Variants in TCF23 observed in about 807,000 individuals in gnomAD.
TCF23 encodes the protein class A basic helix-loop-helix protein 24.
TCF23 carries 7 observed loss-of-function variants against 13.0 expected under a neutral mutation model. The ratio of observed to expected loss-of-function variants is 0.54; its 90% CI spans 0.31 to 1.01. The LOEUF (loss-of-function observed/expected upper bound fraction) is 1.01. Ranked by LOEUF, TCF23 falls within the 50% of genes least tolerant of loss-of-function variation. The pLI, the probability that TCF23 is intolerant of heterozygous loss-of-function variation, is 0.06. For missense variants in TCF23, 257 were observed against 289.8 expected, an observed-to-expected ratio of 0.89 and a Z score of 0.82; for synonymous variants, 122 against 119.5, an observed-to-expected ratio of 1.02 and a Z score of -0.14.
In TCF23 at chr2:27,152,994, C is replaced by T; in HGVS notation, c.*127C>T. 6.6e-7 allele frequency: 1 copy of T among 1,510,908 alleles called. No homozygotes were observed. Among genetic ancestry groups the T allele is most frequent in the South Asian group, 1.3e-5 (1 of 74,636 alleles). 93.6% of individuals were successfully genotyped at this position (1,510,908 alleles called of 1,614,324 possible). On this transcript the variant is annotated 3_prime_UTR_variant, in exon 3 of 3. Transcript: ENST00000296096. ...AGCTCCCAAGTTCCAGCATGCAGAC[C>T]AAGAGAAGCAGTAGCACTTCTGTGA...
chr2:27,150,178 G>A lies in TCF23; in HGVS notation c.278G>A (p.Arg93His), dbSNP rs201667688. Reference sequence around the variant, plus strand: ...GAGCGGAGCCGGGTCAGGACGCTGCGCCAGGCCTTCTTGGCCTTGCAGGCT... The same window carrying A: ...GAGCGGAGCCGGGTCAGGACGCTGCACCAGGCCTTCTTGGCCTTGCAGGCT... Reference protein sequence around the residue: ...ARERSRVRTLRQAFLALQAAL... With the variant: ...ARERSRVRTLHQAFLALQAAL... Residue 93 changes from arginine to histidine, a missense_variant, in exon 2 of 3, where the codon CGC becomes CAC. Transcript: ENST00000296096. This position sits in a 1 kb window ranked among gnomAD's most constrained non-coding sequence, Gnocchi z 4.1. The A allele has an allele frequency of 4.0e-5, 65 of 1,611,812 alleles. No homozygotes were observed. The highest frequency in any genetic ancestry group is 4.8e-5 in the Non-Finnish European group (57 of 1,179,900).
Position 27,152,675 on chromosome 2 carries a change from C to CT in TCF23, c.466-12dup. On this transcript the variant is annotated splice_polypyrimidine_tract_variant and intron_variant, in intron 2 of 2. Coordinates refer to ENST00000296096, the MANE Select transcript of TCF23 (RefSeq NM_175769.3). ...ATAGCAGCATTTCTCACTTCCCAAT[C>CT]TGTGTCTTGCAGAAGTGGCCGATGC... The CT allele has an allele frequency of 6.2e-7, 1 of 1,609,056 alleles. No homozygotes were observed.
Position 27,150,417 on chromosome 2 carries a change from TGGAGA to T in TCF23, c.465+53_465+57del. The T allele has an allele frequency of 6.3e-6, 10 of 1,594,078 alleles. No individual in the cohort carries two copies. Among genetic ancestry groups the T allele is most frequent in the Non-Finnish European group, 8.6e-6 (10 of 1,166,090 alleles). On this transcript the variant is annotated intron_variant, in intron 2 of 2. Coordinates refer to ENST00000296096, the MANE Select transcript of TCF23 (RefSeq NM_175769.3). The surrounding 1 kb of genome is among the most constrained non-coding windows in gnomAD (Gnocchi z 4.1). Reference sequence around the variant, plus strand: ...AGGCGGATCTTAATGCCCAGGGCCTTGGAGAAAGGGATTGGAATGAGGGGGGACAT... The same window carrying T: ...AGGCGGATCTTAATGCCCAGGGCCTTAAGGGATTGGAATGAGGGGGGACAT...
Position 27,150,345 on chromosome 2 carries a change from C to T in TCF23, c.445C>T (p.Arg149Cys), listed in dbSNP as rs771398931. 86 of 1,613,276 alleles carry T rather than the reference C, an allele frequency of 5.3e-5. No homozygotes were observed. Among genetic ancestry groups the T allele is most frequent in the Non-Finnish European group, 6.6e-5 (78 of 1,179,876 alleles). ...PAWPPFLRGL[R>C]YLHPLKKWPM... Reference sequence around the variant, plus strand: ...CTGGCCGCCCTTCCTGCGTGGACTCCGCTACTTGCACCCTCTCAAGGTAAG... The same window carrying T: ...CTGGCCGCCCTTCCTGCGTGGACTCTGCTACTTGCACCCTCTCAAGGTAAG... Residue 149 changes from arginine (R) to cysteine (C), a missense_variant, in exon 2 of 3, where the codon CGC becomes TGC. By Grantham distance (180) the Arg-to-Cys change is radical. Coordinates refer to ENST00000296096, the MANE Select transcript of TCF23 (RefSeq NM_175769.3). This position sits in a 1 kb window ranked among gnomAD's most constrained non-coding sequence, Gnocchi z 4.1.
chr2:27,152,797 C>T lies in TCF23; in HGVS notation c.575C>T (p.Ser192Phe). 1 of 1,614,136 alleles carries T rather than the reference C, an allele frequency of 6.2e-7. No homozygotes were observed. Among genetic ancestry groups the T allele is most frequent in the Non-Finnish European group, 8.5e-7 (1 of 1,180,022 alleles). ...AGAACAAGAGATGCAGAGGTGGGGT[C>T]CCAAGTCCCTGGAGAGGCAGATGCT... is the stretch of plus-strand genomic sequence containing the variant. Reference protein sequence around the residue: ...SQRTRDAEVGSQVPGEADALL... With the variant: ...SQRTRDAEVGFQVPGEADALL... The change falls in exon 3 of 3, where the codon TCC becomes TTC. Residue 192 changes from serine to phenylalanine, a missense_variant. Ser to Phe is a radical substitution (Grantham distance 155). Coordinates refer to ENST00000296096, the MANE Select transcript of TCF23 (RefSeq NM_175769.3).
chr2:27,151,898 T>G (rs980795113), intron 2 of TCF23, among the ~76,000 whole-genome samples: 3 of 152,052 alleles, frequency 2.0e-5, no homozygotes, highest in Non-Finnish European at 4.4e-5. Flanking sequence ...CCTCTCAACT[T>G]TATTTTTATG....
rs1165537550 is a variant in TCF23 at position 27,153,889 on chromosome 2, GAGA to G, written c.*1026_*1028del. On this transcript the variant is annotated 3_prime_UTR_variant, in exon 3 of 3. Coordinates refer to ENST00000296096, the MANE Select transcript of TCF23 (RefSeq NM_175769.3). ...CAATTACATCCTTGAAGGACCTTAA[GAGA>G]AGATCAGGTATATAGGGGGTGATCA... is the stretch of plus-strand genomic sequence containing the variant. The G allele has an allele frequency of 2.0e-5, 3 of 152,216 alleles. No homozygotes were observed. The highest frequency in any genetic ancestry group is 2.9e-5 in the Non-Finnish European group (2 of 68,046). 9.4% of individuals were successfully genotyped at this position (152,216 alleles called of 1,614,324 possible).
rs1672735755 is a variant in TCF23 at position 27,150,072 on chromosome 2, A to C, written c.223-51A>C. The C allele has an allele frequency of 1.3e-6, 2 of 1,566,120 alleles. No individual in the cohort carries two copies. Among genetic ancestry groups the C allele is most frequent in the Non-Finnish European group, 1.7e-6 (2 of 1,158,056 alleles). On this transcript the variant is annotated intron_variant, in intron 1 of 2. Transcript: ENST00000296096. The surrounding 1 kb of genome is among the most constrained non-coding windows in gnomAD (Gnocchi z 4.1). ...TTGTGCTCAAACGCTCTCAGAAGTCAGGGCAGTTGGGAGTCCAGGTCACAC... is the reference window on the plus strand; with the variant it reads ...TTGTGCTCAAACGCTCTCAGAAGTCCGGGCAGTTGGGAGTCCAGGTCACAC...
chr2:27,150,023 A>T lies in TCF23; in HGVS notation c.223-100A>T. The T allele has an allele frequency of 6.6e-7, 1 of 1,519,870 alleles. No individual in the cohort carries two copies. The highest frequency in any genetic ancestry group is 1.3e-5 in the South Asian group (1 of 79,156). The allele number at this position is 1,519,870 out of a possible 1,614,324, so 94.1% of individuals were successfully genotyped here. ...GGCCCTCTGGTGCCTACTGCTAGAC[A>T]CCCTTCTACTCTGGTGGGAGACCTT... is the stretch of plus-strand genomic sequence containing the variant. On this transcript the variant is annotated intron_variant, in intron 1 of 2. Transcript: ENST00000296096. The surrounding 1 kb of genome is among the most constrained non-coding windows in gnomAD (Gnocchi z 4.1).
At position 27,150,110 on chromosome 2, in the gene TCF23, G is replaced by A. The variant is rs772350113; in HGVS notation, c.223-13G>A. The A allele has an allele frequency of 5.0e-6, 8 of 1,590,048 alleles. No individual in the cohort carries two copies. The Admixed American group carries it at 1.3e-4, about 27-fold the overall frequency. ...GTCCAGGTCACACACACTCACTGGG[G>A]CCCTCTGTGCAGAGCGAGGCCAGTC... On this transcript the variant is annotated splice_polypyrimidine_tract_variant and intron_variant, in intron 1 of 2. Coordinates refer to ENST00000296096, the MANE Select transcript of TCF23 (RefSeq NM_175769.3). This position sits in a 1 kb window ranked among gnomAD's most constrained non-coding sequence, Gnocchi z 4.1.
rs923775774 is a variant in TCF23 at position 27,155,023 on chromosome 2, G to A, written c.*2156G>A. On this transcript the variant is annotated 3_prime_UTR_variant, in exon 3 of 3. Transcript: ENST00000296096. ...CCCACCCTGTCCTGCTCAGACTCAG[G>A]CCTTTGCCTAGTAACATTAGAGCCC... The A allele has an allele frequency of 3.9e-5, 6 of 152,352 alleles. No individual in the cohort carries two copies. Among genetic ancestry groups the A allele is most frequent in the African/African-American group, 1.4e-4 (6 of 41,458 alleles). The allele number at this position is 152,352 out of a possible 1,614,324, so 9.4% of individuals were successfully genotyped here.
At chr2:27,149,660 A>G (rs1465486174) in intron 1 of TCF23, 1 of 608,920 alleles carries the variant, frequency 1.6e-6, no homozygotes, top group African/African-American at 1.8e-5. Context: ...CTGGGACTTC[A>G]GCCTGTGTGC....
chr2:27,149,438 C>T, intron 1 of TCF23, 83 bp downstream of exon 1: 1 of 1,313,136 alleles, frequency 7.6e-7, no homozygotes, highest in Non-Finnish European at 1.1e-6. Context: ...ATGGTACAGC[C>T]TCACTCAGTA....
rs370405355 is a variant in TCF23 at position 27,150,260 on chromosome 2, C to T, written c.360C>T (p.Leu120=). The T allele has an allele frequency of 3.9e-5, 63 of 1,613,592 alleles. No individual in the cohort carries two copies. Among genetic ancestry groups the T allele is most frequent in the Admixed American group, 1.0e-4 (6 of 60,008 alleles). Residue 120 remains leucine (L), a synonymous_variant, in exon 2 of 3, where the codon CTC becomes CTT. Transcript: ENST00000296096. The surrounding 1 kb of genome is among the most constrained non-coding windows in gnomAD (Gnocchi z 4.1). ...TCTCCAAGTTGGACGTGCTGGTGCT[C>T]GCCGCCAGCTACATAGCCCACCTCA... The part of the protein sequence containing the change: ...TKLSKLDVLV[L]AASYIAHLTR...
chr2:27,151,810 C>CTT (rs888889908), intron 2 of TCF23, among the ~76,000 whole-genome samples: 5 of 142,528 alleles, frequency 3.5e-5, no homozygotes, highest in African/African-American at 7.7e-5. Context: ...TTTTTTTTTT[C>CTT]TTTTTTTTTT....
rs1192472174 is a variant in TCF23, at chr2:27,156,446, CG to C, written c.*3581del. 7 of 150,350 alleles carry C rather than the reference CG, an allele frequency of 4.7e-5. No homozygotes were observed. The highest frequency in any genetic ancestry group is 1.7e-4 in the African/African-American group (7 of 40,854). 9.3% of individuals were successfully genotyped at this position (150,350 alleles called of 1,614,324 possible). A position where few individuals can be genotyped will look rare whatever the true frequency, so the allele number is the denominator to read the frequency against. ...AGGCTGGAGCGCAGTGGCGTGATCT[CG>C]GCTCACTGCAAGCTCCGCCTCCTGG... On this transcript the variant is annotated 3_prime_UTR_variant, in exon 3 of 3. Coordinates refer to ENST00000296096, the MANE Select transcript of TCF23 (RefSeq NM_175769.3).
intron 2 of TCF23, among the ~76,000 whole-genome samples, chr2:27,151,580 C>T (rs545244669): frequency 8.5e-5 from 13 of 152,174 alleles, no homozygotes; most frequent in African/African-American, 2.9e-4. Context: ...ATGATCCACC[C>T]ACTACGGCCT....
At chr2:27,151,613 T>C (rs918757510) in intron 2 of TCF23, among the ~76,000 whole-genome samples, 2 of 151,762 alleles carry the variant, frequency 1.3e-5, no homozygotes, top group Non-Finnish European at 2.9e-5. Context: ...GGATTACAGG[T>C]GTGAGCCACC....
In TCF23 at chr2:27,153,532, T is replaced by TTTCTC. The variant is rs1572360445; in HGVS notation, c.*668_*669insTCTTC. 1 of 155,206 alleles carries TTTCTC rather than the reference T, an allele frequency of 6.4e-6. No homozygotes were observed. Among genetic ancestry groups the TTTCTC allele is most frequent in the East Asian group, 1.8e-4 (1 of 5,406 alleles). The allele number at this position is 155,206 out of a possible 1,614,324, so 9.6% of individuals were successfully genotyped here. ...ACTCTTTTCTTTTCTTTTCTTTTCT[T>TTTCTC]TTCGTTTCTTCTTCTTTTTATGTAG... On this transcript the variant is annotated 3_prime_UTR_variant, in exon 3 of 3. Transcript: ENST00000296096.
Sources: allele counts gnomAD v4.1 joint callset (sites outside exome capture counted in the v4.1 genomes callset), GRCh38; gene constraint gnomAD v4.1.1; non-coding constraint Gnocchi (gnomAD v3.1); transcripts MANE v1.5; gene names NCBI Gene and HGNC (gene_info 2026-07-23, HGNC 2026-07-21).